Variants in RPS6KC1 observed in about 807,000 individuals in gnomAD.
RPS6KC1 encodes ribosomal protein S6 kinase C1, also known as inactive ribosomal protein S6 kinase delta-1.
In RPS6KC1, 54 loss-of-function variants were observed where a neutral mutation model predicts 103.8. That is an observed-to-expected ratio of 0.52 (90% CI 0.42 to 0.65). RPS6KC1 has a LOEUF of 0.65. Ranked by LOEUF, RPS6KC1 falls within the 30% of genes least tolerant of loss-of-function variation. The pLI, the probability that RPS6KC1 is intolerant of heterozygous loss-of-function variation, is 0.00. For synonymous variants in RPS6KC1, 439 were observed against 438.7 expected, an observed-to-expected ratio of 1.00 and a Z score of -0.01; for missense variants, 1,151 against 1,253.8, an observed-to-expected ratio of 0.92 and a Z score of 1.24.
chr1:213,102,543 A>G (rs1572535389), intron 3 of RPS6KC1, among the ~76,000 whole-genome samples: 1 of 152,328 alleles, frequency 6.6e-6, no homozygotes, highest in East Asian at 1.9e-4. Flanking sequence ...AACTTAGTTT[A>G]TATCTATGCC....
the RPS6KC1 span, among the ~76,000 whole-genome samples, chr1:213,833,960 T>A: frequency 2.0e-5 from 3 of 152,218 alleles, no homozygotes; most frequent in Admixed American, 1.3e-4. Context: ...AAATTCCTCT[T>A]TCACATGGAA....
the RPS6KC1 span, among the ~76,000 whole-genome samples, chr1:213,602,032 TTC>T: frequency 3.7e-3 from 30 of 8,062 alleles, 4 homozygotes; most frequent in African/African-American, 4.9e-3. Flanking sequence ...TTCTTTCTCT[TTC>T]TCTTTCTTTC....
At chr1:213,052,255 A>G (rs1231908106) in intron 1 of RPS6KC1, among the ~76,000 whole-genome samples, 1 of 152,216 alleles carries the variant, frequency 6.6e-6, no homozygotes, top group African/African-American at 2.4e-5. Flanking sequence ...TATGTATGTG[A>G]CGTATGTGTG....
intron 8 of RPS6KC1, among the ~76,000 whole-genome samples, chr1:213,184,282 A>T (rs2092425547): frequency 6.6e-6 from 1 of 152,122 alleles, no homozygotes; most frequent in East Asian, 1.9e-4. Context: ...AGACATTAGA[A>T]GAAAGAAAAC....
chr1:213,392,425 G>A, the RPS6KC1 span, among the ~76,000 whole-genome samples: 5 of 152,098 alleles, frequency 3.3e-5, no homozygotes, highest in Non-Finnish European at 5.9e-5. Context: ...GGTGGGAGGA[G>A]GAGGGTCAGG....
chr1:213,171,917 T>C (rs1353690321), intron 7 of RPS6KC1, among the ~76,000 whole-genome samples: 1 of 152,156 alleles, frequency 6.6e-6, no homozygotes, highest in African/African-American at 2.4e-5. Context: ...TTTGTCATAA[T>C]TAGACAGTAG....
Position 213,147,643 on chromosome 1 carries a change from T to G in RPS6KC1, c.835+17754T>G, listed in dbSNP as rs376082211. On this transcript the variant is annotated intron_variant, in intron 6 of 14. Transcript: ENST00000366960. ...GTCAGGTTATGTGATTCCTCCAGTT[T>G]TCTTCTTTTTGCTTAGGATCACTTT... Among the ~76,000 whole-genome samples, 60 of 152,332 alleles carry G rather than the reference T, an allele frequency of 3.9e-4. 1 individual carries two copies. In the South Asian group the frequency reaches 0.012, roughly 31 times the overall value.
At chr1:213,688,852 T>C in the RPS6KC1 span, among the ~76,000 whole-genome samples, 3 of 152,180 alleles carry the variant, frequency 2.0e-5, no homozygotes, top group East Asian at 5.8e-4. Flanking sequence ...AGTCACCACC[T>C]ACTCTGTGTA....
chr1:213,841,905 T>G, the RPS6KC1 span, among the ~76,000 whole-genome samples: 1 of 152,196 alleles, frequency 6.6e-6, no homozygotes, highest in African/African-American at 2.4e-5. Flanking sequence ...TCTGTCCTTC[T>G]GATCACAATC....
At chr1:213,360,971 G>C in the RPS6KC1 span, among the ~76,000 whole-genome samples, 1 of 152,202 alleles carries the variant, frequency 6.6e-6, no homozygotes, top group African/African-American at 2.4e-5. Flanking sequence ...TGCCCCTACT[G>C]GGGGGTGCCT....
At chr1:213,457,065 A>C in the RPS6KC1 span, among the ~76,000 whole-genome samples, 2 of 152,254 alleles carry the variant, frequency 1.3e-5, no homozygotes, top group Admixed American at 1.3e-4. Context: ...GTTTCGTTTA[A>C]AATAATATAA....
chr1:213,209,624 G>T (rs904895947), intron 8 of RPS6KC1, among the ~76,000 whole-genome samples: 2 of 148,726 alleles, frequency 1.3e-5, no homozygotes, highest in Non-Finnish European at 3.0e-5. Flanking sequence ...GAACCTGGGA[G>T]GTGGAGGTTG....
At chr1:213,809,575 T>A in the RPS6KC1 span, among the ~76,000 whole-genome samples, 92 of 152,310 alleles carry the variant, frequency 6.0e-4, 1 homozygote, top group Non-Finnish European at 5.9e-5. Flanking sequence ...ACATGTATAA[T>A]CTAGTTGGCC....
the RPS6KC1 span, among the ~76,000 whole-genome samples, chr1:213,730,319 CT>C: frequency 2.0e-5 from 3 of 152,118 alleles, no homozygotes; most frequent in Non-Finnish European, 4.4e-5. Context: ...AATGGTAGTT[CT>C]TTGTTTAGGA....
At chr1:213,791,753 G>A in the RPS6KC1 span, among the ~76,000 whole-genome samples, 1 of 152,144 alleles carries the variant, frequency 6.6e-6, no homozygotes, top group Non-Finnish European at 1.5e-5. Context: ...TTTGATGGCA[G>A]ACGTATAACC....
the RPS6KC1 span, among the ~76,000 whole-genome samples, chr1:213,800,929 G>T: frequency 5.3e-5 from 8 of 152,246 alleles, no homozygotes; most frequent in African/African-American, 1.9e-4. Context: ...AGACATGGTG[G>T]TTTCATGAAA....
At chr1:213,320,922 C>T in the RPS6KC1 span, among the ~76,000 whole-genome samples, 4 of 152,174 alleles carry the variant, frequency 2.6e-5, no homozygotes, top group African/African-American at 9.7e-5. Context: ...TGCTCTGTTT[C>T]TCATTACAGT....
intron 5 of RPS6KC1, among the ~76,000 whole-genome samples, chr1:213,120,324 A>G (rs542055810): frequency 6.6e-6 from 1 of 152,228 alleles, no homozygotes; most frequent in Non-Finnish European, 1.5e-5. Flanking sequence ...TGGCAAATTA[A>G]TCCTGCTGAA....
At chr1:213,835,088 T>C in the RPS6KC1 span, among the ~76,000 whole-genome samples, 402 of 152,274 alleles carry the variant, frequency 2.6e-3, no homozygotes, top group Non-Finnish European at 4.1e-3. Context: ...GAAAGCCCTC[T>C]CAAAATCGAA....
Sources: gnomAD v4.1 joint callset for allele counts (sites outside exome capture counted in the v4.1 genomes callset) on GRCh38, gnomAD v4.1.1 for gene constraint, MANE v1.5 for transcripts, NCBI Gene and HGNC (gene_info 2026-07-23, HGNC 2026-07-21) for gene names.